The following CYTH3 variants were observed in gnomAD, a reference collection of about 807,000 sequenced individuals.
CYTH3 encodes cytohesin-3.
CYTH3 carries 23 observed loss-of-function variants against 55.1 expected under a neutral mutation model. That is an observed-to-expected ratio of 0.42 (90% CI 0.30 to 0.59). The LOEUF (loss-of-function observed/expected upper bound fraction) is 0.59, where lower values mean the gene tolerates loss of function less well. Among genes scored for constraint, CYTH3 ranks in the 20% least tolerant of loss-of-function variants. The pLI is 0.20. For synonymous variants in CYTH3, 249 were observed against 194.9 expected (o/e 1.28, Z -2.31); for missense variants, 413 against 524.8 (o/e 0.79, Z 2.08).
At chr7:6,255,758 G>GCTTT (rs1780084704) in intron 1 of CYTH3, among the ~76,000 whole-genome samples, 41 of 89,420 alleles carry the variant, frequency 4.6e-4, no homozygotes, top group African/African-American at 1.8e-3. Context: ...CCTTTAATCT[G>GCTTT]TTTTTTTTTT....
chr7:6,223,291 C>G (rs1030929201), intron 1 of CYTH3, among the ~76,000 whole-genome samples: 2 of 152,084 alleles, frequency 1.3e-5, no homozygotes, highest in South Asian at 2.1e-4. Context: ...AGGAGCGCCT[C>G]TGCCAGGCCG....
chr7:6,178,974 G>C (rs1025299337), intron 4 of CYTH3, among the ~76,000 whole-genome samples: 2 of 152,216 alleles, frequency 1.3e-5, no homozygotes, highest in Non-Finnish European at 2.9e-5. Context: ...AAATCAATTT[G>C]CCAGGAGGCC....
intron 5 of CYTH3, among the ~76,000 whole-genome samples, chr7:6,174,147 C>A (rs1301612813): frequency 6.6e-6 from 1 of 151,792 alleles, no homozygotes; most frequent in Non-Finnish European, 1.5e-5. Flanking sequence ...GAATTTCACT[C>A]TTGTGGCCCA....
intron 1 of CYTH3, among the ~76,000 whole-genome samples, chr7:6,260,425 C>T (rs773670523): frequency 6.6e-6 from 1 of 152,058 alleles, no homozygotes. Flanking sequence ...ACCCTTCCCT[C>T]ACTGAGCTCC....
chr7:6,272,527 C>T lies in CYTH3; in HGVS notation c.-20G>A. ...ATCCATCTTGAGGCCACTCCCGCAGCCGGCGAGCCGGGGGCCGGCAGCAGA... is the reference window on the plus strand; with the variant it reads ...ATCCATCTTGAGGCCACTCCCGCAGTCGGCGAGCCGGGGGCCGGCAGCAGA... On this transcript the variant is annotated 5_prime_UTR_variant, in exon 1 of 13. Transcript: ENST00000350796. 7.6e-7 allele frequency: 1 copy of T among 1,322,488 alleles called. No individual in the cohort carries two copies. The highest frequency in any genetic ancestry group is 1.6e-5 in the South Asian group (1 of 61,452). 81.9% of individuals were successfully genotyped at this position (1,322,488 alleles called of 1,614,324 possible). A position where few individuals can be genotyped will look rare whatever the true frequency, so the allele number is the denominator to read the frequency against.
intron 1 of CYTH3, among the ~76,000 whole-genome samples, chr7:6,264,111 A>G (rs1780424220): frequency 1.3e-5 from 2 of 151,736 alleles, no homozygotes; most frequent in South Asian, 4.2e-4. Flanking sequence ...GCTGGGCATG[A>G]TGGCGGGCAC....
chr7:6,227,031 G>C (rs1397520924), intron 1 of CYTH3, among the ~76,000 whole-genome samples: 1 of 149,772 alleles, frequency 6.7e-6, no homozygotes, highest in East Asian at 2.0e-4. Context: ...AGTGAGCTGA[G>C]ATCGCGCCAC....
Position 6,165,724 on chromosome 7 carries a change from CCTTA to C in CYTH3, c.900+6_900+9del. On this transcript the variant is annotated splice_donor_region_variant and intron_variant, in intron 10 of 12. Transcript: ENST00000350796. ...CTGGGAGGCGGCAAGGAGGCCTGGC[CCTTA>C]CTTACTGTTGTGTATTCAAAGTAAT... The C allele has an allele frequency of 6.2e-7, 1 of 1,614,138 alleles. No individual in the cohort carries two copies. Among genetic ancestry groups the C allele is most frequent in the Non-Finnish European group, 8.5e-7 (1 of 1,179,986 alleles).
At position 6,164,603 on chromosome 7, in the gene CYTH3, G is replaced by A; in HGVS notation, c.*341C>T. The A allele has an allele frequency of 2.8e-6, 1 of 353,894 alleles. No individual in the cohort carries two copies. The highest frequency in any genetic ancestry group is 5.3e-6 in the Non-Finnish European group (1 of 189,288). The allele number at this position is 353,894 out of a possible 1,614,324, so 21.9% of individuals were successfully genotyped here. A position where few individuals can be genotyped will look rare whatever the true frequency, so the allele number is the denominator to read the frequency against. On this transcript the variant is annotated 3_prime_UTR_variant, in exon 13 of 13. Coordinates refer to ENST00000350796, the MANE Select transcript of CYTH3 (RefSeq NM_004227.4). ...TGCTGTGGAGACAGCGGAAGCTGCT[G>A]TCCTGGCTTCTCCCCCTAGGGGCGC...
intron 1 of CYTH3, among the ~76,000 whole-genome samples, chr7:6,254,194 AAAC>A (rs1384957645): frequency 6.6e-6 from 1 of 152,078 alleles, no homozygotes; most frequent in Non-Finnish European, 1.5e-5. Flanking sequence ...AAAAACAAAC[AAAC>A]AACAACAAAA....
chr7:6,186,222 T>C (rs1454217282), intron 4 of CYTH3, among the ~76,000 whole-genome samples: 4 of 131,576 alleles, frequency 3.0e-5, no homozygotes, highest in East Asian at 2.2e-4. Flanking sequence ...CCAGCCTGGG[T>C]GACAGAGCAA....
At chr7:6,217,667 G>C (rs1194977097) in intron 1 of CYTH3, among the ~76,000 whole-genome samples, 1 of 152,108 alleles carries the variant, frequency 6.6e-6, no homozygotes, top group Non-Finnish European at 1.5e-5. Context: ...GTATAGAGAA[G>C]AACTCACCAC....
chr7:6,260,309 AGT>A (rs1780320184), intron 1 of CYTH3, among the ~76,000 whole-genome samples: 1 of 152,190 alleles, frequency 6.6e-6, no homozygotes, highest in South Asian at 2.1e-4. Flanking sequence ...TTATACTAAG[AGT>A]GTGAAAATGC....
chr7:6,262,040 A>C (rs1295440278), intron 1 of CYTH3, among the ~76,000 whole-genome samples: 1 of 152,248 alleles, frequency 6.6e-6, no homozygotes, highest in African/African-American at 2.4e-5. Flanking sequence ...AAACTGGAAA[A>C]GACAATAATG....
At chr7:6,241,472 G>A (rs1272014804) in intron 1 of CYTH3, among the ~76,000 whole-genome samples, 3 of 152,226 alleles carry the variant, frequency 2.0e-5, no homozygotes, top group African/African-American at 7.2e-5. Context: ...GTTGATGGGT[G>A]TAAAAAACAG....
intron 5 of CYTH3, among the ~76,000 whole-genome samples, chr7:6,176,254 A>ATTTTTTTTTTTTTTTTTTTTTTTTT (rs776819156): frequency 1.2e-5 from 1 of 82,868 alleles, no homozygotes; most frequent in Non-Finnish European, 2.2e-5. Context: ...AATACAATTG[A>ATTTTTTTTTTTTTTTTTTTTTTTTT]TTTTTTTTTT....
At chr7:6,213,307 G>A (rs186090505) in intron 1 of CYTH3, among the ~76,000 whole-genome samples, 4 of 152,260 alleles carry the variant, frequency 2.6e-5, no homozygotes, top group Admixed American at 6.5e-5. Flanking sequence ...CACGGTCTTC[G>A]TGAATTCCTG....
intron 1 of CYTH3, among the ~76,000 whole-genome samples, chr7:6,251,135 C>T (rs1364865234): frequency 6.6e-6 from 1 of 152,108 alleles, no homozygotes; most frequent in African/African-American, 2.4e-5. Context: ...ATTAGCTGGA[C>T]GTGGTGGCGG....
rs1399132692 is a variant in CYTH3 at position 6,169,746 on chromosome 7, T to C, written c.823+789A>G. On this transcript the variant is annotated intron_variant, in intron 9 of 12. Transcript: ENST00000350796. The surrounding 1 kb of genome is among the most constrained non-coding windows in gnomAD (Gnocchi z 4.1). ...GCCTTTAGAGCACTCCCGAAATCTC[T>C]CCATGCGCTGCTGGGTTAGTATGGG... Among the ~76,000 whole-genome samples the C allele has an allele frequency of 2.0e-5, 3 of 152,144 alleles. No homozygotes were observed. The highest frequency in any genetic ancestry group is 4.4e-5 in the Non-Finnish European group (3 of 67,998).
Sources: gnomAD v4.1 joint callset for allele counts (sites outside exome capture counted in the v4.1 genomes callset) on GRCh38, gnomAD v4.1.1 for gene constraint, Gnocchi (gnomAD v3.1) non-coding constraint, MANE v1.5 for transcripts, NCBI Gene and HGNC (gene_info 2026-07-23, HGNC 2026-07-21) for gene names.